The following SEC14L4 variants were observed in gnomAD, a reference collection of about 807,000 sequenced individuals.
The protein encoded by SEC14L4 is SEC14 like lipid binding 4.
SEC14L4 carries 42 observed loss-of-function variants against 55.1 expected under a neutral mutation model. The ratio of observed to expected loss-of-function variants is 0.76; its 90% CI spans 0.60 to 0.99. SEC14L4 has a LOEUF of 0.99. Ranked by LOEUF, SEC14L4 falls within the 50% of genes least tolerant of loss-of-function variation. SEC14L4 has a pLI of 0.00. For synonymous variants in SEC14L4, 206 were observed against 206.8 expected (o/e 1.00, Z 0.03); for missense variants, 445 against 512.1 (o/e 0.87, Z 1.27).
chr22:30,489,957 G>T lies in SEC14L4; in HGVS notation c.*150C>A, dbSNP rs1935896153. The T allele has an allele frequency of 5.8e-6, 9 of 1,552,506 alleles. No individual in the cohort carries two copies. The highest frequency in any genetic ancestry group is 7.8e-6 in the Non-Finnish European group (9 of 1,147,300). ...GGTGGCCCCTTCCTGCTTGGCCACT[G>T]TGCCAGGTGAGCCTACAATGAGATG... is the stretch of plus-strand genomic sequence containing the variant. On this transcript the variant is annotated 3_prime_UTR_variant, in exon 12 of 12. Coordinates refer to ENST00000255858, the MANE Select transcript of SEC14L4 (RefSeq NM_174977.4).
At chr22:30,504,150 C>T (rs895334796) in intron 1 of SEC14L4, among the ~76,000 whole-genome samples, 2 of 151,954 alleles carry the variant, frequency 1.3e-5, no homozygotes, top group South Asian at 2.1e-4. Context: ...CCGTGCCTCC[C>T]GGGTTCAATA....
chr22:30,501,987 C>T (rs1163630024), intron 2 of SEC14L4, among the ~76,000 whole-genome samples: 2 of 151,130 alleles, frequency 1.3e-5, no homozygotes, highest in Non-Finnish European at 2.9e-5. Flanking sequence ...GTGCCTCAGC[C>T]TCCTGAGTAG....
At chr22:30,504,534 T>A (rs1936432302) in intron 1 of SEC14L4, among the ~76,000 whole-genome samples, 1 of 152,136 alleles carries the variant, frequency 6.6e-6, no homozygotes, top group African/African-American at 2.4e-5. Flanking sequence ...CTTGTACCAA[T>A]CAAAGGAGTC....
chr22:30,500,967 G>A (rs1031165371), intron 2 of SEC14L4, among the ~76,000 whole-genome samples: 3 of 151,314 alleles, frequency 2.0e-5, no homozygotes, highest in South Asian at 2.1e-4. Flanking sequence ...AGGCCGAGGC[G>A]GGAGGATCAT....
intron 5 of SEC14L4, 61 bp downstream of exon 5, chr22:30,495,193 T>G: frequency 2.1e-6 from 3 of 1,458,368 alleles, no homozygotes; most frequent in Non-Finnish European, 2.8e-6. Context: ...GGTGCCACCC[T>G]TCTCTGGTCC....
intron 7 of SEC14L4, among the ~76,000 whole-genome samples, chr22:30,493,161 C>T (rs1936024012): frequency 6.6e-6 from 1 of 151,702 alleles, no homozygotes; most frequent in Admixed American, 6.6e-5. Flanking sequence ...AGGGATTGGG[C>T]ACAAGCTGGC....
chr22:30,500,317 T>TTA (rs1936280044), intron 2 of SEC14L4, among the ~76,000 whole-genome samples: 2 of 152,190 alleles, frequency 1.3e-5, no homozygotes, highest in Non-Finnish European at 2.9e-5. Context: ...GATTTTGGTC[T>TTA]TATATATTAT....
intron 8 of SEC14L4, 98 bp from the exon 9 acceptor site, chr22:30,492,253 C>T (rs1601842988): frequency 2.1e-6 from 3 of 1,438,130 alleles, no homozygotes; most frequent in Admixed American, 2.0e-5. Context: ...ATGTCCTGGG[C>T]GTGCTCCCCC....
At chr22:30,501,846 CATATATATATATAT>C (rs3067218) in intron 2 of SEC14L4, among the ~76,000 whole-genome samples, 1 of 111,910 alleles carries the variant, frequency 8.9e-6, no homozygotes, top group African/African-American at 3.5e-5. Flanking sequence ...CACACACGCA[CATATATATATATAT>C]ATATATATAT....
chr22:30,490,152 C>A lies in SEC14L4; in HGVS notation c.1176G>T (p.Glu392Asp). Residue 392 changes from glutamate (E) to aspartate (D), a missense_variant, in exon 12 of 12, where the codon GAG becomes GAT. Transcript: ENST00000255858. ...TCATCGCCTTGAGACTCTGCAGCGT[C>A]TCCTCAGAGGCCTTGTCGGGAAGCA... The part of the protein sequence containing the change: ...EVLLPDKASE[E>D]TLQSLKAMRP... 6.2e-7 allele frequency: 1 copy of A among 1,614,190 alleles called. No homozygotes were observed. The highest frequency in any genetic ancestry group is 8.5e-7 in the Non-Finnish European group (1 of 1,180,026).
intron 1 of SEC14L4, among the ~76,000 whole-genome samples, chr22:30,504,142 G>T (rs777397785): frequency 6.6e-6 from 1 of 151,204 alleles, no homozygotes; most frequent in Non-Finnish European, 1.5e-5. Flanking sequence ...ACTGCAACCC[G>T]TGCCTCCCGG....
chr22:30,505,585 G>A lies in SEC14L4; in HGVS notation c.27C>T (p.Ser9=), dbSNP rs768736576. MSSRVGDL[S]PQQQEALARF... ...TGGCCAGCGCTTCCTGCTGCTGGGGGCTCAGGTCCCCGACTCGGCTGCTCA... is the reference window on the plus strand; with the variant it reads ...TGGCCAGCGCTTCCTGCTGCTGGGGACTCAGGTCCCCGACTCGGCTGCTCA... Residue 9 remains serine (S), a synonymous_variant, in exon 1 of 12, where the codon AGC becomes AGT. Transcript: ENST00000255858. 2 of 1,570,094 alleles carry A rather than the reference G, an allele frequency of 1.3e-6. No homozygotes were observed. Among genetic ancestry groups the A allele is most frequent in the Non-Finnish European group, 1.7e-6 (2 of 1,161,118 alleles).
chr22:30,504,688 T>C (rs1043955992), intron 1 of SEC14L4, among the ~76,000 whole-genome samples: 6 of 152,134 alleles, frequency 3.9e-5, no homozygotes, highest in Non-Finnish European at 8.8e-5. Flanking sequence ...AGACAGGGGC[T>C]GAAAGAGAAG....
At chr22:30,499,691 C>T (rs60874034) in intron 2 of SEC14L4, among the ~76,000 whole-genome samples, 5,117 of 151,350 alleles carry the variant, frequency 0.034, 119 homozygotes, top group African/African-American at 0.059. Flanking sequence ...GTGAGCCAAA[C>T]TTGTACCACT....
chr22:30,498,870 T>C (rs1936230473), intron 2 of SEC14L4, among the ~76,000 whole-genome samples: 1 of 152,188 alleles, frequency 6.6e-6, no homozygotes, highest in African/African-American at 2.4e-5. Context: ...ATGACACCGA[T>C]AGATATTCTG....
intron 11 of SEC14L4, among the ~76,000 whole-genome samples, chr22:30,491,021 T>A (rs891948206): frequency 2.0e-5 from 3 of 152,166 alleles, no homozygotes; most frequent in Admixed American, 6.5e-5. Context: ...AATAAGGTAA[T>A]GTGTTGACTT....
chr22:30,490,127 T>G lies in SEC14L4; in HGVS notation c.1201A>C (p.Arg401=), dbSNP rs1460571325. 6.2e-7 allele frequency: 1 copy of G among 1,614,052 alleles called. No individual in the cohort carries two copies. ...EETLQSLKAM[R]PSPTQ is the part of the protein sequence containing the mutation. ...GGTCTTCACTGTGTTGGGGAGGGTC[T>G]CATCGCCTTGAGACTCTGCAGCGTC... The change falls in exon 12 of 12, where the codon AGA becomes CGA. Residue 401 remains arginine, a synonymous_variant. Transcript: ENST00000255858.
At chr22:30,503,554 G>C (rs1329010025) in intron 2 of SEC14L4, 123 bp downstream of exon 2, 9 of 560,380 alleles carry the variant, frequency 1.6e-5, no homozygotes, top group African/African-American at 3.8e-5. Flanking sequence ...TGAGCCACCG[G>C]GCCCGGCAAG....
At chr22:30,500,995 G>A (rs1038242471) in intron 2 of SEC14L4, among the ~76,000 whole-genome samples, 6 of 151,496 alleles carry the variant, frequency 4.0e-5, no homozygotes, top group Non-Finnish European at 5.9e-5. Context: ...CCAGGAGTTC[G>A]AGACCAGCCT....
Sources: gnomAD v4.1 joint callset for allele counts (sites outside exome capture counted in the v4.1 genomes callset) on GRCh38, gnomAD v4.1.1 for gene constraint, MANE v1.5 for transcripts, NCBI Gene and HGNC (gene_info 2026-07-23, HGNC 2026-07-21) for gene names.